ZNF407: variants seen among roughly 807,000 people sequenced by gnomAD.
ZNF407 encodes zinc finger protein 407.
A neutral mutation model predicts 131.2 loss-of-function variants in ZNF407; 17 were observed. That is an observed-to-expected ratio of 0.13 (90% confidence interval 0.09 to 0.19). The LOEUF (loss-of-function observed/expected upper bound fraction) is 0.19, where lower values mean the gene tolerates loss of function less well. Ranked by LOEUF, ZNF407 falls within the 10% of genes least tolerant of loss-of-function variation. The pLI is 1.00. For synonymous variants in ZNF407, 1,156 were observed against 1,062.0 expected (o/e 1.09, Z -1.72); for missense variants, 2,681 against 2,830.6 (o/e 0.95, Z 1.20).
intron 8 of ZNF407, among the ~76,000 whole-genome samples, chr18:74,937,784 G>A (rs1022868223): frequency 6.6e-6 from 1 of 151,938 alleles, no homozygotes; most frequent in Non-Finnish European, 1.5e-5. Flanking sequence ...ACCAGGCAGG[G>A]GATCAATTAG....
chr18:74,620,899 A>C (rs1983483558), intron 1 of ZNF407, among the ~76,000 whole-genome samples: 1 of 152,100 alleles, frequency 6.6e-6, no homozygotes, highest in South Asian at 2.1e-4. Context: ...TATGGCTGTG[A>C]GAATTGTAGG....
In ZNF407 at chr18:74,633,849, G is replaced by C; in HGVS notation, c.2830G>C (p.Glu944Gln). ...TGGCTCAGCAGTGACCATGTCAGAT[G>C]AACATGCTAACAAACCAGCTGAGTC... is the stretch of plus-strand genomic sequence containing the variant. ...NAGSAVTMSD[E>Q]HANKPAESPT... Residue 944 changes from glutamate to glutamine, a missense_variant, in exon 2 of 9, where the codon GAA becomes CAA. By Grantham distance (29) the Glu-to-Gln change is conservative. This residue lies in a region of ZNF407 where 1,789 missense variants were observed against 1,748.7 expected (regional missense o/e 1.02). Coordinates refer to ENST00000299687, the MANE Select transcript of ZNF407 (RefSeq NM_017757.3). 4 of 1,613,968 alleles carry C rather than the reference G, an allele frequency of 2.5e-6. No homozygotes were observed. Among genetic ancestry groups the C allele is most frequent in the Non-Finnish European group, 3.4e-6 (4 of 1,179,896 alleles).
chr18:74,633,276 A>G lies in ZNF407; in HGVS notation c.2257A>G (p.Ile753Val). Residue 753 changes from isoleucine (I) to valine (V), a missense_variant, in exon 2 of 9, where the codon ATT becomes GTT. Coordinates refer to ENST00000299687, the MANE Select transcript of ZNF407 (RefSeq NM_017757.3). ...SLSKEGMEKH[I>V]KRSKHLENAK... ...GAGCAAAGAAGGAATGGAGAAACACATTAAAAGAAGCAAGCATCTTGAAAA... is the reference window on the plus strand; with the variant it reads ...GAGCAAAGAAGGAATGGAGAAACACGTTAAAAGAAGCAAGCATCTTGAAAA... 6.2e-7 allele frequency: 1 copy of G among 1,612,516 alleles called. No homozygotes were observed. The highest frequency in any genetic ancestry group is 2.2e-5 in the East Asian group (1 of 44,886).
intron 4 of ZNF407, among the ~76,000 whole-genome samples, chr18:74,798,046 A>C (rs1969953777): frequency 6.6e-6 from 1 of 152,174 alleles, no homozygotes; most frequent in Admixed American, 6.5e-5. Context: ...AAACGCATTT[A>C]AATTTTTTTA....
At chr18:74,707,946 A>G (rs1400408037) in intron 3 of ZNF407, among the ~76,000 whole-genome samples, 1 of 152,218 alleles carries the variant, frequency 6.6e-6, no homozygotes, top group Non-Finnish European at 1.5e-5. Flanking sequence ...ATTGATATCT[A>G]CTGGGAAAAG....
intron 4 of ZNF407, among the ~76,000 whole-genome samples, chr18:74,851,474 T>C (rs1178058436): frequency 1.3e-5 from 2 of 152,204 alleles, no homozygotes; most frequent in African/African-American, 4.8e-5. Flanking sequence ...TCATTTGAAG[T>C]ATTTTACATT....
At chr18:74,795,898 A>G (rs1969909640) in intron 4 of ZNF407, among the ~76,000 whole-genome samples, 1 of 152,244 alleles carries the variant, frequency 6.6e-6, no homozygotes, top group South Asian at 2.1e-4. Context: ...GAGCCATTAT[A>G]TAGTGAGAGT....
intron 8 of ZNF407, among the ~76,000 whole-genome samples, chr18:74,980,925 T>C (rs973037072): frequency 6.6e-6 from 1 of 152,110 alleles, no homozygotes; most frequent in South Asian, 2.1e-4. Flanking sequence ...TGGAGTATTT[T>C]TGCCATCTAC....
At chr18:74,831,489 AC>A (rs1260243946) in intron 4 of ZNF407, among the ~76,000 whole-genome samples, 11 of 152,096 alleles carry the variant, frequency 7.2e-5, no homozygotes, top group African/African-American at 2.4e-4. Context: ...AATTGTAGGA[AC>A]CTTATGTAAG....
intron 3 of ZNF407, among the ~76,000 whole-genome samples, chr18:74,709,774 G>A (rs901721982): frequency 2.0e-5 from 3 of 152,122 alleles, no homozygotes; most frequent in African/African-American, 7.2e-5. Flanking sequence ...GATGCCTTTT[G>A]CTTTAATTAA....
At chr18:74,978,630 T>C (rs1465521797) in intron 8 of ZNF407, among the ~76,000 whole-genome samples, 1 of 151,624 alleles carries the variant, frequency 6.6e-6, no homozygotes, top group Admixed American at 6.6e-5. Flanking sequence ...AGGAGGGACA[T>C]ACTGCCATCC....
intron 8 of ZNF407, among the ~76,000 whole-genome samples, chr18:74,959,501 G>C (rs952767531): frequency 6.6e-6 from 1 of 152,114 alleles, no homozygotes; most frequent in Non-Finnish European, 1.5e-5. Context: ...CTGTCTTTCT[G>C]AGTTTATTCT....
chr18:74,971,395 T>C (rs1230988572), intron 8 of ZNF407, among the ~76,000 whole-genome samples: 1 of 152,250 alleles, frequency 6.6e-6, no homozygotes, highest in Non-Finnish European at 1.5e-5. Context: ...GCTTCCCTTA[T>C]AAAACTGAAT....
chr18:74,867,394 A>G (rs191073801), intron 4 of ZNF407, among the ~76,000 whole-genome samples: 25 of 152,358 alleles, frequency 1.6e-4, no homozygotes, highest in African/African-American at 5.8e-4. Flanking sequence ...CTTAATTTAT[A>G]TTTATAGAGC....
intron 8 of ZNF407, among the ~76,000 whole-genome samples, chr18:74,931,766 G>T (rs1297405851): frequency 6.6e-6 from 1 of 152,148 alleles, no homozygotes; most frequent in African/African-American, 2.4e-5. Context: ...TCATCGTGTG[G>T]TTTTAATTTG....
At chr18:74,953,802 T>C (rs1435247341) in intron 8 of ZNF407, among the ~76,000 whole-genome samples, 1 of 152,220 alleles carries the variant, frequency 6.6e-6, no homozygotes, top group East Asian at 1.9e-4. Context: ...CCGATGTCAT[T>C]GTGTAGACGG....
intron 3 of ZNF407, among the ~76,000 whole-genome samples, chr18:74,706,030 C>T (rs548349616): frequency 1.3e-5 from 2 of 152,182 alleles, no homozygotes; most frequent in East Asian, 1.9e-4. Context: ...CTATTTCCTT[C>T]TCCACTGTCT....
rs562707992 is a variant in ZNF407 at position 74,701,943 on chromosome 18, A to G, written c.4802+60821A>G. ...GTGAATCTTGAATTTCAAACTTAAA[A>G]GTAGAGTTTGTGGTTTAATTTGCTT... On this transcript the variant is annotated intron_variant, in intron 3 of 8. Transcript: ENST00000299687. Among the ~76,000 whole-genome samples the G allele has an allele frequency of 6.6e-5, 10 of 152,374 alleles. No individual in the cohort carries two copies. In the South Asian group the frequency reaches 2.1e-3, roughly 32 times the overall value.
chr18:74,607,298 G>C (rs1982850191), intron 1 of ZNF407, among the ~76,000 whole-genome samples: 2 of 152,132 alleles, frequency 1.3e-5, no homozygotes, highest in African/African-American at 4.8e-5. Flanking sequence ...CCAGTCCTGA[G>C]ACCACACTTC....
Sources: gnomAD v4.1 joint callset for allele counts (sites outside exome capture counted in the v4.1 genomes callset) on GRCh38, gnomAD v4.1.1 for gene constraint, gnomAD v4.1.1 regional missense constraint, MANE v1.5 for transcripts, NCBI Gene and HGNC (gene_info 2026-07-23, HGNC 2026-07-21) for gene names.